PRDM11: variants seen among roughly 807,000 people sequenced by gnomAD.
PRDM11 encodes PR/SET domain 11, also known as PR domain-containing protein 11.
PRDM11 carries 20 observed loss-of-function variants against 97.8 expected under a neutral mutation model. The observed-to-expected ratio is 0.20, with a 90% CI of 0.14 to 0.30. The LOEUF is 0.30. Ranked by LOEUF, PRDM11 falls within the 10% of genes least tolerant of loss-of-function variation. The probability of loss-of-function intolerance (pLI) is 1.00; values close to 1 mark genes in which losing one functional copy is unlikely to be tolerated. For synonymous variants in PRDM11, 599 were observed against 637.7 expected (o/e 0.94, Z 0.91); for missense variants, 1,139 against 1,555.2 (o/e 0.73, Z 4.50).
chr11:45,105,925 G>C (rs34934940), intron 1 of PRDM11, among the ~76,000 whole-genome samples: 2,186 of 152,336 alleles, frequency 0.014, 57 homozygotes, highest in African/African-American at 0.05. Context: ...ATGAAGTCAG[G>C]CTGGACCGAC....
rs187469845 is a variant in PRDM11 at position 45,220,159 on chromosome 11, C to T, written c.742+402C>T. Among the ~76,000 whole-genome samples, 43 of 152,314 alleles carry T rather than the reference C, an allele frequency of 2.8e-4. No individual in the cohort carries two copies. In the East Asian group the frequency reaches 6.7e-3, roughly 24 times the overall value. ...AAATACTCAATATGTGAAATACTGA[C>T]AACAGTCCAAGGACCCCACTCTACC... is the stretch of plus-strand genomic sequence containing the variant. On this transcript the variant is annotated intron_variant, in intron 6 of 7. Coordinates refer to ENST00000683152, the MANE Select transcript of PRDM11 (RefSeq NM_001384648.1).
At chr11:45,106,854 T>C (rs1398522098) in intron 1 of PRDM11, among the ~76,000 whole-genome samples, 3 of 152,230 alleles carry the variant, frequency 2.0e-5, no homozygotes, top group Non-Finnish European at 4.4e-5. Flanking sequence ...CATACTCTAC[T>C]GGTCAAGGCA....
intron 1 of PRDM11, among the ~76,000 whole-genome samples, chr11:45,160,408 G>A (rs887783807): frequency 2.0e-5 from 3 of 152,110 alleles, no homozygotes; most frequent in Admixed American, 6.5e-5. Flanking sequence ...TCTCTGGAGC[G>A]TTGACTGTCA....
At chr11:45,195,069 G>T (rs917917749) in intron 4 of PRDM11, among the ~76,000 whole-genome samples, 1 of 151,748 alleles carries the variant, frequency 6.6e-6, no homozygotes, top group African/African-American at 2.4e-5. Flanking sequence ...TCCCATTGCT[G>T]GTCTTCCCAC....
In PRDM11 at chr11:45,178,651, G is replaced by A. The variant is rs151075999; in HGVS notation, c.-6-3110G>A. On this transcript the variant is annotated intron_variant, in intron 1 of 7. Transcript: ENST00000683152. ...AGTGAGATATGAAGGGGAACATTTGGTGAATATTTACTGAGAATATGCTGT... is the reference window on the plus strand; with the variant it reads ...AGTGAGATATGAAGGGGAACATTTGATGAATATTTACTGAGAATATGCTGT... Among the ~76,000 whole-genome samples the A allele has an allele frequency of 5.9e-3, 906 of 152,342 alleles. 6 individuals are homozygous for A. Among genetic ancestry groups the A allele is most frequent in the Non-Finnish European group, 9.8e-3 (667 of 68,036 alleles).
At chr11:45,170,174 C>G (rs536202854) in intron 1 of PRDM11, among the ~76,000 whole-genome samples, 34 of 152,268 alleles carry the variant, frequency 2.2e-4, no homozygotes, top group Admixed American at 2.0e-3. Context: ...GAAACTCCGT[C>G]TCTACTAAAA....
chr11:45,123,110 T>C (rs1331319844), intron 1 of PRDM11, among the ~76,000 whole-genome samples: 1 of 152,160 alleles, frequency 6.6e-6, no homozygotes, highest in African/African-American at 2.4e-5. Flanking sequence ...TGAGCATTTT[T>C]TCATGTGTTT....
intron 4 of PRDM11, among the ~76,000 whole-genome samples, chr11:45,200,946 A>G (rs1853304901): frequency 6.6e-6 from 1 of 152,186 alleles, no homozygotes; most frequent in Non-Finnish European, 1.5e-5. Context: ...ATCTATGCTC[A>G]TGTAAACATG....
At chr11:45,101,541 G>C (rs1851975771) in intron 1 of PRDM11, among the ~76,000 whole-genome samples, 2 of 118,032 alleles carry the variant, frequency 1.7e-5, no homozygotes, top group Non-Finnish European at 3.4e-5. Flanking sequence ...GGGTGACAGA[G>C]CAACACTCTG....
chr11:45,176,506 A>G (rs1003684091), intron 1 of PRDM11, among the ~76,000 whole-genome samples: 3 of 152,192 alleles, frequency 2.0e-5, no homozygotes, highest in Non-Finnish European at 4.4e-5. Context: ...AAACAGCCCT[A>G]TGAGATAGGT....
At chr11:45,165,986 T>C (rs990888648) in intron 1 of PRDM11, among the ~76,000 whole-genome samples, 6 of 152,196 alleles carry the variant, frequency 3.9e-5, no homozygotes, top group Non-Finnish European at 8.8e-5. Flanking sequence ...CTGTGCAGCC[T>C]TGTTCAAGCC....
chr11:45,133,339 A>AT (rs1852761616), intron 1 of PRDM11, among the ~76,000 whole-genome samples: 1 of 152,176 alleles, frequency 6.6e-6, no homozygotes, highest in Non-Finnish European at 1.5e-5. Flanking sequence ...TTCTTATCTT[A>AT]CTGGACCTCC....
At chr11:45,117,573 C>T (rs1004645137) in intron 1 of PRDM11, among the ~76,000 whole-genome samples, 6 of 152,054 alleles carry the variant, frequency 3.9e-5, no homozygotes, top group East Asian at 1.9e-4. Flanking sequence ...ATAGCAAGAA[C>T]CCTCCTCTAC....
intron 1 of PRDM11, among the ~76,000 whole-genome samples, chr11:45,107,100 G>C (rs1360897080): frequency 6.6e-6 from 1 of 152,202 alleles, no homozygotes; most frequent in Non-Finnish European, 1.5e-5. Flanking sequence ...CTGGCTGAAG[G>C]CACCCACCTG....
At chr11:45,130,712 C>T (rs4755954) in intron 1 of PRDM11, among the ~76,000 whole-genome samples, 18,920 of 152,110 alleles carry the variant, frequency 0.12, 1,595 homozygotes, top group Admixed American at 0.24. Flanking sequence ...CTAACTGTTG[C>T]AAATAGGGTC....
intron 1 of PRDM11, among the ~76,000 whole-genome samples, chr11:45,168,492 G>T (rs1046984032): frequency 6.6e-6 from 1 of 152,178 alleles, no homozygotes; most frequent in Non-Finnish European, 1.5e-5. Context: ...CTGGCGGTGG[G>T]TTCCTGTCTC....
intron 1 of PRDM11, among the ~76,000 whole-genome samples, chr11:45,119,403 G>A (rs1269587854): frequency 3.9e-5 from 6 of 151,980 alleles, no homozygotes; most frequent in Admixed American, 3.3e-4. Context: ...CGAGTTGGGC[G>A]GATCACGAGG....
intron 6 of PRDM11, among the ~76,000 whole-genome samples, chr11:45,223,990 T>C (rs555324939): frequency 6.6e-6 from 1 of 152,334 alleles, no homozygotes; most frequent in Non-Finnish European, 1.5e-5. Flanking sequence ...ATGAGGCTTC[T>C]TGGAAACTGT....
In PRDM11 at chr11:45,231,393, G is replaced by A. The variant is rs1384672670; in HGVS notation, c.*3234G>A. ...TTGGCTAACCTAATCTCCCCTTGAT[G>A]TGTATACAGAACTGTGGAAAAGCAG... On this transcript the variant is annotated 3_prime_UTR_variant, in exon 8 of 8. Coordinates refer to ENST00000683152, the MANE Select transcript of PRDM11 (RefSeq NM_001384648.1). 1 of 152,106 alleles carries A rather than the reference G, an allele frequency of 6.6e-6. No homozygotes were observed. The highest frequency in any genetic ancestry group is 1.5e-5 in the Non-Finnish European group (1 of 68,046). The allele number at this position is 152,106 out of a possible 1,614,324, so 9.4% of individuals were successfully genotyped here.
Sources: allele counts gnomAD v4.1 joint callset (sites outside exome capture counted in the v4.1 genomes callset), GRCh38; gene constraint gnomAD v4.1.1; transcripts MANE v1.5; gene names NCBI Gene and HGNC (gene_info 2026-07-23, HGNC 2026-07-21).